Variants in CEP162 observed in about 807,000 individuals in gnomAD.
CEP162 encodes the protein centrosomal protein of 162 kDa.
CEP162 carries 141 observed loss-of-function variants against 169.2 expected under a neutral mutation model. The ratio of observed to expected loss-of-function variants is 0.83; its 90% CI spans 0.73 to 0.96. CEP162 has a LOEUF of 0.96. CEP162 is among the 40% of genes least tolerant of loss of function. The pLI, the probability that CEP162 is intolerant of heterozygous loss-of-function variation, is 0.00. For synonymous variants in CEP162, 540 were observed against 526.4 expected (o/e 1.03, Z -0.35); for missense variants, 1,600 against 1,587.2 (o/e 1.01, Z -0.14).
chr6:84,180,787 G>A (rs1283770198), intron 13 of CEP162, among the ~76,000 whole-genome samples: 20 of 151,612 alleles, frequency 1.3e-4, no homozygotes, highest in African/African-American at 4.4e-4. Context: ...CCAACTTACA[G>A]GGGATGTGAA....
intron 18 of CEP162, among the ~76,000 whole-genome samples, chr6:84,167,486 C>T (rs943612261): frequency 3.9e-5 from 6 of 152,064 alleles, no homozygotes; most frequent in Non-Finnish European, 8.8e-5. Flanking sequence ...TGTAAAGCAC[C>T]TCATGCCTGC....
At chr6:84,212,520 G>GA (rs1299072120) in intron 6 of CEP162, among the ~76,000 whole-genome samples, 2 of 150,204 alleles carry the variant, frequency 1.3e-5, no homozygotes, top group African/African-American at 4.9e-5. Flanking sequence ...GGGCAACTAA[G>GA]AAAAAAATAC....
intron 21 of CEP162, among the ~76,000 whole-genome samples, chr6:84,160,404 T>C (rs146322075): frequency 2.0e-4 from 30 of 152,282 alleles, no homozygotes; most frequent in African/African-American, 6.5e-4. Flanking sequence ...GTTTTGTTTA[T>C]AGGGTGTTTT....
intron 25 of CEP162, among the ~76,000 whole-genome samples, chr6:84,144,811 T>G (rs562987023): frequency 6.6e-6 from 1 of 152,286 alleles, no homozygotes; most frequent in South Asian, 2.1e-4. Flanking sequence ...CTTTTTCTCT[T>G]AAGCTATCCA....
At chr6:84,225,638 G>A (rs9449848) in intron 2 of CEP162, among the ~76,000 whole-genome samples, 4 of 151,842 alleles carry the variant, frequency 2.6e-5, no homozygotes, top group Non-Finnish European at 5.9e-5. Flanking sequence ...AATGAACGTA[G>A]AGTCATCACA....
chr6:84,162,880 G>A (rs1449411408), intron 19 of CEP162, among the ~76,000 whole-genome samples: 1 of 152,176 alleles, frequency 6.6e-6, no homozygotes, highest in Non-Finnish European at 1.5e-5. Flanking sequence ...TCACAGTCTA[G>A]CTAGGATGAC....
intron 25 of CEP162, among the ~76,000 whole-genome samples, chr6:84,139,397 G>A (rs2099515559): frequency 6.6e-6 from 1 of 152,152 alleles, no homozygotes; most frequent in Non-Finnish European, 1.5e-5. Context: ...CTTTTCATGA[G>A]GTTTCTCCTG....
At position 84,175,196 on chromosome 6, in the gene CEP162, T is replaced by C. The variant is rs1197397983; in HGVS notation, c.1797+18A>G. 4.8e-6 allele frequency: 7 copies of C among 1,463,228 alleles called. No homozygotes were observed. Among genetic ancestry groups the C allele is most frequent in the Non-Finnish European group, 6.4e-6 (7 of 1,090,172 alleles). The allele number at this position is 1,463,228 out of a possible 1,614,324, so 90.6% of individuals were successfully genotyped here. A position where few individuals can be genotyped will look rare whatever the true frequency, so the allele number is the denominator to read the frequency against. On this transcript the variant is annotated intron_variant, in intron 14 of 26. Transcript: ENST00000403245. ...TTTAGAACATAAAACATTATGATTATTAATTTTGAATACCTACAGTCTGAA... is the reference window on the plus strand; with the variant it reads ...TTTAGAACATAAAACATTATGATTACTAATTTTGAATACCTACAGTCTGAA...
chr6:84,143,630 GAGAA>G (rs2099517631), intron 25 of CEP162, among the ~76,000 whole-genome samples: 1 of 150,708 alleles, frequency 6.6e-6, no homozygotes, highest in African/African-American at 2.4e-5. Flanking sequence ...CAGAAGGAGA[GAGAA>G]AGAGAAAGTG....
intron 8 of CEP162, 68 bp from the exon 9 acceptor site, chr6:84,200,973 A>T: frequency 2.9e-6 from 3 of 1,017,630 alleles, no homozygotes; most frequent in Non-Finnish European, 4.6e-6. Context: ...ATCTAATACA[A>T]TTATTTTAAA....
chr6:84,209,933 G>A (rs1340042696), intron 6 of CEP162, among the ~76,000 whole-genome samples: 3 of 152,254 alleles, frequency 2.0e-5, no homozygotes, highest in African/African-American at 7.2e-5. Flanking sequence ...ACAAATGAGA[G>A]ACGAGAAACA....
Position 84,186,572 on chromosome 6 carries a change from G to A in CEP162, c.1161C>T (p.Pro387=), listed in dbSNP as rs2099537249. 6.2e-7 allele frequency: 1 copy of A among 1,610,028 alleles called. No individual in the cohort carries two copies. Among genetic ancestry groups the A allele is most frequent in the East Asian group, 2.2e-5 (1 of 44,748 alleles). The change falls in exon 12 of 27, where the codon CCC becomes CCT. Residue 387 remains proline, a synonymous_variant. Coordinates refer to ENST00000403245, the MANE Select transcript of CEP162 (RefSeq NM_014895.4). ...ACAAAATATTTGGGTTCATCTTCAG[G>A]GGTAAAGAGCTAAAAAATTCAGTTT... The part of the protein sequence containing the change: ...RKETEFFSSL[P]LKMNPNILSQ...
intron 13 of CEP162, among the ~76,000 whole-genome samples, chr6:84,177,833 G>A (rs2099533024): frequency 6.6e-6 from 1 of 152,092 alleles, no homozygotes; most frequent in Non-Finnish European, 1.5e-5. Flanking sequence ...CACTGTGCCT[G>A]GCCTGAATAA....
intron 6 of CEP162, among the ~76,000 whole-genome samples, chr6:84,212,383 A>T (rs1442850356): frequency 2.6e-5 from 4 of 152,162 alleles, no homozygotes; most frequent in Admixed American, 1.3e-4. Context: ...CATGTAGAAG[A>T]AAAACGTTGA....
intron 13 of CEP162, among the ~76,000 whole-genome samples, chr6:84,184,232 TA>T (rs2099536138): frequency 6.6e-6 from 1 of 152,204 alleles, no homozygotes; most frequent in South Asian, 2.1e-4. Context: ...AAATCTTTCT[TA>T]ATGTCATACA....
In CEP162 at chr6:84,186,313, T is replaced by C; in HGVS notation, c.1401+19A>G. On this transcript the variant is annotated intron_variant, in intron 12 of 26. Transcript: ENST00000403245. ...TTCGGTTCTCAATCTCTCAAATCAA[T>C]TTGATGATAAATACTTACTTTATTA... 7.7e-7 allele frequency: 1 copy of C among 1,305,120 alleles called. No homozygotes were observed. The highest frequency in any genetic ancestry group is 1.1e-6 in the Non-Finnish European group (1 of 909,670). The allele number at this position is 1,305,120 out of a possible 1,614,324, so 80.8% of individuals were successfully genotyped here. A position where few individuals can be genotyped will look rare whatever the true frequency, so the allele number is the denominator to read the frequency against.
At chr6:84,194,698 C>T (rs1456152170) in intron 10 of CEP162, among the ~76,000 whole-genome samples, 186 bp downstream of exon 10, 1 of 152,076 alleles carries the variant, frequency 6.6e-6, no homozygotes, top group African/African-American at 2.4e-5. Context: ...GTGATCCACC[C>T]ACCTCGGCCT....
rs761778970 is a variant in CEP162, at chr6:84,175,312, C to T, written c.1699G>A (p.Ala567Thr). 1 of 1,546,384 alleles carries T rather than the reference C, an allele frequency of 6.5e-7. No individual in the cohort carries two copies. Among genetic ancestry groups the T allele is most frequent in the South Asian group, 1.2e-5 (1 of 82,430 alleles). The change falls in exon 14 of 27, where the codon GCT becomes ACT. Residue 567 changes from alanine to threonine, a missense_variant. Transcript: ENST00000403245. ...LSGTKLIKPA[A>T]LDKPAHKTES... ...GTTTTGTGAGCTGGTTTATCCAAAG[C>T]TGCAGGCTTGATGAGTTTTGTTCCA...
intron 7 of CEP162, among the ~76,000 whole-genome samples, chr6:84,202,518 C>CTTTTTTTTTTTTTTTT (rs70987776): frequency 3.3e-5 from 3 of 90,774 alleles, no homozygotes; most frequent in African/African-American, 1.2e-4. Flanking sequence ...TTCTTTCTTT[C>CTTTTTTTTTTTTTTTT]TTTTTTTTTT....
Sources: allele counts gnomAD v4.1 joint callset (sites outside exome capture counted in the v4.1 genomes callset), GRCh38; gene constraint gnomAD v4.1.1; transcripts MANE v1.5; gene names NCBI Gene and HGNC (gene_info 2026-07-23, HGNC 2026-07-21).